ABRAXAS2: variants seen among roughly 807,000 people sequenced by gnomAD.
ABRAXAS2 encodes abraxas 2, BRISC complex subunit.
A neutral mutation model predicts 49.0 loss-of-function variants in ABRAXAS2; 23 were observed. The observed-to-expected ratio is 0.47, with a 90% CI of 0.34 to 0.66. ABRAXAS2 has a LOEUF of 0.66. Ranked by LOEUF, ABRAXAS2 falls within the 30% of genes least tolerant of loss-of-function variation. The pLI is 0.01. For missense variants in ABRAXAS2, 443 were observed against 511.9 expected, an observed-to-expected ratio of 0.87 and a Z score of 1.30; for synonymous variants, 168 against 180.2, an observed-to-expected ratio of 0.93 and a Z score of 0.54.
intron 2 of ABRAXAS2, among the ~76,000 whole-genome samples, chr10:124,811,842 A>G (rs748405843): frequency 3.3e-5 from 5 of 152,086 alleles, no homozygotes; most frequent in Non-Finnish European, 7.4e-5. Flanking sequence ...ATGGCGCACA[A>G]TCTTGGCTCA....
At chr10:124,811,306 A>G (rs530322758) in intron 2 of ABRAXAS2, among the ~76,000 whole-genome samples, 3 of 152,236 alleles carry the variant, frequency 2.0e-5, no homozygotes, top group Non-Finnish European at 4.4e-5. Flanking sequence ...GTTTTCAAGC[A>G]TAATCTGGAA....
chr10:124,803,263 C>T (rs1315442522), intron 1 of ABRAXAS2, among the ~76,000 whole-genome samples: 1 of 152,152 alleles, frequency 6.6e-6, no homozygotes, highest in African/African-American at 2.4e-5. Flanking sequence ...AGGCGTGGTG[C>T]TTGACTTCAT....
chr10:124,832,630 A>C (rs1337106285), intron 8 of ABRAXAS2, among the ~76,000 whole-genome samples: 2 of 151,556 alleles, frequency 1.3e-5, no homozygotes, highest in Non-Finnish European at 2.9e-5. Context: ...AGATCACCTG[A>C]GGTCAGGAGT....
chr10:124,805,860 G>T (rs1471242714), intron 1 of ABRAXAS2, among the ~76,000 whole-genome samples: 1 of 152,154 alleles, frequency 6.6e-6, no homozygotes. Flanking sequence ...GTATAGGAAA[G>T]TTACTTTAGG....
intron 2 of ABRAXAS2, among the ~76,000 whole-genome samples, chr10:124,808,271 G>A (rs896112510): frequency 5.9e-5 from 9 of 152,004 alleles, no homozygotes; most frequent in Non-Finnish European, 1.3e-4. Flanking sequence ...CGCCTCCCGG[G>A]TTCAGGCCAT....
chr10:124,802,189 A>G (rs1042438593), intron 1 of ABRAXAS2, among the ~76,000 whole-genome samples: 2 of 152,122 alleles, frequency 1.3e-5, no homozygotes, highest in Non-Finnish European at 2.9e-5. Flanking sequence ...CAGTGTCAGG[A>G]GTCGCTCGGT....
At chr10:124,826,393 T>A (rs528797551) in intron 4 of ABRAXAS2, among the ~76,000 whole-genome samples, 1 of 152,362 alleles carries the variant, frequency 6.6e-6, no homozygotes, top group African/African-American at 2.4e-5. Context: ...TTCATGTTCC[T>A]TTTTATCACT....
chr10:124,820,307 G>A (rs1292485073), intron 4 of ABRAXAS2, among the ~76,000 whole-genome samples: 1 of 152,178 alleles, frequency 6.6e-6, no homozygotes, highest in African/African-American at 2.4e-5. Context: ...GCCCAACCAG[G>A]AAGGGGTGTT....
chr10:124,833,094 TGAG>T (rs2134174399), intron 8 of ABRAXAS2, among the ~76,000 whole-genome samples: 2 of 138,062 alleles, frequency 1.4e-5, no homozygotes, highest in East Asian at 4.3e-4. Context: ...TGCAGTGAGC[TGAG>T]ATCACACCAC....
At chr10:124,802,688 T>A (rs963540344) in intron 1 of ABRAXAS2, among the ~76,000 whole-genome samples, 1 of 152,182 alleles carries the variant, frequency 6.6e-6, no homozygotes, top group South Asian at 2.1e-4. Flanking sequence ...CTAGATCACT[T>A]CTCTCTTAAA....
chr10:124,819,945 G>A (rs1950851275), intron 4 of ABRAXAS2, among the ~76,000 whole-genome samples: 1 of 152,122 alleles, frequency 6.6e-6, no homozygotes, highest in Non-Finnish European at 1.5e-5. Context: ...TTGCAGTAGT[G>A]TCTAATAATG....
At chr10:124,801,975 C>A in intron 1 of ABRAXAS2, 74 bp downstream of exon 1, 1 of 1,488,626 alleles carries the variant, frequency 6.7e-7, no homozygotes. Context: ...CGCGGCCAAG[C>A]CGGGACCTCA....
chr10:124,805,111 T>C (rs1407152722), intron 1 of ABRAXAS2, among the ~76,000 whole-genome samples: 1 of 152,116 alleles, frequency 6.6e-6, no homozygotes, highest in African/African-American at 2.4e-5. Context: ...CTGTAAAGTG[T>C]CTGTCTTGTC....
intron 4 of ABRAXAS2, among the ~76,000 whole-genome samples, chr10:124,825,961 T>C: frequency 6.6e-6 from 1 of 152,234 alleles, no homozygotes; most frequent in East Asian, 1.9e-4. Context: ...TCTGTCTTCC[T>C]GATGACCAAC....
intron 3 of ABRAXAS2, 31 bp downstream of exon 3, chr10:124,816,643 T>A (rs746464891): frequency 2.6e-6 from 4 of 1,523,982 alleles, no homozygotes; most frequent in African/African-American, 1.4e-5. Flanking sequence ...TAGTCCTTAC[T>A]AAAAGGATTG....
intron 8 of ABRAXAS2, among the ~76,000 whole-genome samples, chr10:124,832,336 G>T: frequency 6.6e-6 from 1 of 152,124 alleles, no homozygotes; most frequent in South Asian, 2.1e-4. Flanking sequence ...AATAATTCCA[G>T]CATAACAGCC....
At chr10:124,816,476 T>C (rs77845805) in intron 2 of ABRAXAS2, 100 bp from the exon 3 acceptor site, 31,401 of 763,826 alleles carry the variant, frequency 0.041, 837 homozygotes, top group Non-Finnish European at 0.047. Flanking sequence ...GCTGTCTTTG[T>C]TGTCAGAGAT....
At chr10:124,827,288 T>C (rs1024480035) in intron 5 of ABRAXAS2, among the ~76,000 whole-genome samples, 1 of 150,884 alleles carries the variant, frequency 6.6e-6, no homozygotes, top group Non-Finnish European at 1.5e-5. Context: ...GCCTCTCGAG[T>C]AGCTGGGATT....
chr10:124,819,342 A>G (rs1215649883), intron 3 of ABRAXAS2, 42 bp from the exon 4 acceptor site: 7 of 1,541,008 alleles, frequency 4.5e-6, no homozygotes, highest in Middle Eastern at 3.4e-4. Flanking sequence ...CTATGTCACA[A>G]TACTATGTGG....
Sources: gnomAD v4.1 joint callset for allele counts (sites outside exome capture counted in the v4.1 genomes callset) on GRCh38, gnomAD v4.1.1 for gene constraint, MANE v1.5 for transcripts, NCBI Gene and HGNC (gene_info 2026-07-23, HGNC 2026-07-21) for gene names.